The following LMNTD1 variants were observed in gnomAD, a reference collection of about 807,000 sequenced individuals.
The protein encoded by LMNTD1 is lamin tail domain containing 1.
A neutral mutation model predicts 50.9 loss-of-function variants in LMNTD1; 35 were observed. That is an observed-to-expected ratio of 0.69 (90% CI 0.53 to 0.91). The LOEUF (loss-of-function observed/expected upper bound fraction) is 0.91, where lower values mean the gene tolerates loss of function less well. LMNTD1 is among the 40% of genes least tolerant of loss of function. LMNTD1 has a pLI of 0.00. For synonymous variants in LMNTD1, 153 were observed against 161.9 expected (o/e 0.94, Z 0.42); for missense variants, 470 against 475.5 (o/e 0.99, Z 0.11).
At chr12:25,527,003 T>G (rs771554534) in intron 4 of LMNTD1, 48 bp from the exon 5 acceptor site, 7 of 1,320,488 alleles carry the variant, frequency 5.3e-6, no homozygotes, top group Non-Finnish European at 7.3e-6. Context: ...GATAGGAGTG[T>G]CTTTGACTCA....
chr12:25,504,219 C>A (rs1044991667), intron 8 of LMNTD1, among the ~76,000 whole-genome samples: 9 of 152,060 alleles, frequency 5.9e-5, no homozygotes, highest in Non-Finnish European at 1.3e-4. Context: ...ACTGCCATAA[C>A]GACAAAGTAG....
At chr12:25,589,472 G>T (rs1555118052) in intron 1 of LMNTD1, among the ~76,000 whole-genome samples, 1 of 152,134 alleles carries the variant, frequency 6.6e-6, no homozygotes, top group Non-Finnish European at 1.5e-5. Context: ...CTGGGATTGG[G>T]GATGGAGGGA....
At chr12:25,498,792 G>C (rs889565008) in intron 9 of LMNTD1, among the ~76,000 whole-genome samples, 1 of 151,986 alleles carries the variant, frequency 6.6e-6, no homozygotes. Context: ...CTATTTTCTT[G>C]CTTGCTTGCT....
chr12:25,621,708 G>A (rs1411118832), intron 1 of LMNTD1, among the ~76,000 whole-genome samples: 4 of 152,076 alleles, frequency 2.6e-5, no homozygotes, highest in Non-Finnish European at 4.4e-5. Context: ...CTAAAACATG[G>A]CCTTATTCTA....
chr12:25,630,382 T>G (rs1946689931), intron 1 of LMNTD1, among the ~76,000 whole-genome samples: 1 of 151,960 alleles, frequency 6.6e-6, no homozygotes, highest in Admixed American at 6.6e-5. Flanking sequence ...CATTGTGAAT[T>G]TTAGCTCCAG....
intron 1 of LMNTD1, among the ~76,000 whole-genome samples, chr12:25,577,593 T>G (rs2136396112): frequency 6.6e-6 from 1 of 152,250 alleles, no homozygotes; most frequent in East Asian, 1.9e-4. Context: ...GCTGAGACAA[T>G]GGGGTTTTCT....
chr12:25,616,616 T>C (rs1946358547), intron 1 of LMNTD1, among the ~76,000 whole-genome samples: 1 of 152,184 alleles, frequency 6.6e-6, no homozygotes, highest in African/African-American at 2.4e-5. Context: ...AACCTGGTTG[T>C]GATATTGTAC....
intron 9 of LMNTD1, among the ~76,000 whole-genome samples, chr12:25,500,815 A>G (rs960843504): frequency 6.6e-6 from 1 of 152,028 alleles, no homozygotes; most frequent in East Asian, 1.9e-4. Flanking sequence ...GCCCACAGAC[A>G]CTGTTCATTA....
chr12:25,572,917 T>C (rs1429261518), intron 1 of LMNTD1, among the ~76,000 whole-genome samples: 1 of 151,526 alleles, frequency 6.6e-6, no homozygotes, highest in African/African-American at 2.4e-5. Context: ...CTTTCTTCCC[T>C]TGCAGGTAAG....
intron 3 of LMNTD1, among the ~76,000 whole-genome samples, chr12:25,549,073 A>G (rs1312813205): frequency 1.3e-5 from 2 of 152,036 alleles, no homozygotes; most frequent in East Asian, 3.8e-4. Flanking sequence ...CTCATGAACC[A>G]TCATGATAAC....
At chr12:25,640,856 A>G (rs1002608161) in intron 1 of LMNTD1, among the ~76,000 whole-genome samples, 13 of 151,964 alleles carry the variant, frequency 8.6e-5, no homozygotes, top group African/African-American at 3.1e-4. Context: ...TTTAGCAGAG[A>G]CGGGGTTTCA....
chr12:25,539,941 A>T, intron 4 of LMNTD1, among the ~76,000 whole-genome samples: 1 of 151,664 alleles, frequency 6.6e-6, no homozygotes, highest in Non-Finnish European at 1.5e-5. Context: ...AGAATACTAC[A>T]AACACCTCTA....
chr12:25,575,136 C>T (rs923990481), intron 1 of LMNTD1, among the ~76,000 whole-genome samples: 16 of 152,050 alleles, frequency 1.1e-4, no homozygotes, highest in African/African-American at 3.9e-4. Flanking sequence ...ATTATTCTAT[C>T]AGCTACCAAG....
intron 2 of LMNTD1, among the ~76,000 whole-genome samples, chr12:25,551,444 C>T (rs1382230427): frequency 2.6e-5 from 4 of 151,980 alleles, no homozygotes; most frequent in Non-Finnish European, 5.9e-5. Context: ...GGCTGGAGTA[C>T]AGTGGTACAA....
chr12:25,576,731 C>T (rs923428021), intron 1 of LMNTD1, among the ~76,000 whole-genome samples: 5 of 152,092 alleles, frequency 3.3e-5, no homozygotes, highest in African/African-American at 1.2e-4. Flanking sequence ...CTTTTGTTGC[C>T]ATGCTTTTGG....
chr12:25,600,865 A>T (rs7137502), intron 1 of LMNTD1, among the ~76,000 whole-genome samples: 5,907 of 152,068 alleles, frequency 0.039, 401 homozygotes, highest in African/African-American at 0.13. Context: ...GTAGATTAGT[A>T]CAGCCACTAT....
At chr12:25,534,717 AG>A (rs1942460917) in intron 4 of LMNTD1, among the ~76,000 whole-genome samples, 1 of 152,190 alleles carries the variant, frequency 6.6e-6, no homozygotes, top group South Asian at 2.1e-4. Context: ...TCACAGGGTA[AG>A]GAAGTTCCCA....
At chr12:25,493,895 C>T (rs1359014300) in intron 9 of LMNTD1, among the ~76,000 whole-genome samples, 1 of 152,094 alleles carries the variant, frequency 6.6e-6, no homozygotes, top group Non-Finnish European at 1.5e-5. Context: ...CTTCCTGTTT[C>T]TTAGGCCACT....
At chr12:25,556,840 G>A (rs1013905168), upstream of LMNTD1, among the ~76,000 whole-genome samples, 2 of 152,140 alleles carry the variant, frequency 1.3e-5, no homozygotes, top group African/African-American at 2.4e-5. Context: ...ACAAAGAACT[G>A]GCTTTATATA....
Sources: allele counts gnomAD v4.1 joint callset (sites outside exome capture counted in the v4.1 genomes callset), GRCh38; gene constraint gnomAD v4.1.1; transcripts MANE v1.5; gene names NCBI Gene and HGNC (gene_info 2026-07-23, HGNC 2026-07-21).